PCNX1: variants seen among roughly 807,000 people sequenced by gnomAD.
The protein encoded by PCNX1 is pecanex 1.
Under a neutral mutation model 242.2 loss-of-function variants are expected in PCNX1, and 78 were observed. The observed-to-expected ratio is 0.32, with a 90% CI of 0.27 to 0.39. The LOEUF (loss-of-function observed/expected upper bound fraction) is 0.39, where lower values mean the gene tolerates loss of function less well. Ranked by LOEUF, PCNX1 falls within the 10% of genes least tolerant of loss-of-function variation. The pLI is 1.00. For synonymous variants in PCNX1, 1,024 were observed against 1,032.9 expected (o/e 0.99, Z 0.17); for missense variants, 2,581 against 2,856.5 (o/e 0.90, Z 2.20).
chr14:71,034,535 A>G (rs905336228), intron 18 of PCNX1, among the ~76,000 whole-genome samples: 3 of 152,208 alleles, frequency 2.0e-5, no homozygotes, highest in Admixed American at 2.0e-4. Flanking sequence ...AAGTAAACGC[A>G]GTAATTTTTT....
At chr14:71,068,600 G>A (rs999610682) in intron 26 of PCNX1, among the ~76,000 whole-genome samples, 1 of 143,538 alleles carries the variant, frequency 7.0e-6, no homozygotes, top group Admixed American at 7.3e-5. Flanking sequence ...GCGTGTGTGT[G>A]TGTGTGTGTG....
At chr14:71,059,693 G>A (rs1444809930) in intron 26 of PCNX1, among the ~76,000 whole-genome samples, 5 of 152,036 alleles carry the variant, frequency 3.3e-5, no homozygotes, top group Non-Finnish European at 5.9e-5. Flanking sequence ...ACACCCAGCC[G>A]GGATTTTTTT....
intron 8 of PCNX1, 96 bp from the exon 9 acceptor site, chr14:71,009,538 T>A: frequency 1.6e-6 from 1 of 634,002 alleles, no homozygotes; most frequent in East Asian, 3.0e-5. Flanking sequence ...TATGGTGTAT[T>A]TTCTTAAGAT....
chr14:71,075,548 A>G (rs1048859036), intron 27 of PCNX1, among the ~76,000 whole-genome samples: 1 of 132,592 alleles, frequency 7.5e-6, no homozygotes, highest in East Asian at 2.8e-4. Flanking sequence ...TAAATGCAGC[A>G]CAGTAAAGTT....
chr14:71,036,236 T>A, intron 19 of PCNX1, 79 bp downstream of exon 19: 1 of 878,186 alleles, frequency 1.1e-6, no homozygotes, highest in Non-Finnish European at 1.9e-6. Flanking sequence ...TGGAGTGCAG[T>A]GTTGCGATCA....
chr14:70,960,482 A>T (rs1463040592), intron 2 of PCNX1, among the ~76,000 whole-genome samples: 2 of 152,268 alleles, frequency 1.3e-5, no homozygotes, highest in South Asian at 2.1e-4. Flanking sequence ...CATGCTAAAA[A>T]CTCTCAATAA....
At chr14:71,064,788 C>A (rs1401018096) in intron 26 of PCNX1, among the ~76,000 whole-genome samples, 1 of 152,166 alleles carries the variant, frequency 6.6e-6, no homozygotes, top group East Asian at 1.9e-4. Flanking sequence ...CCCCGACAGG[C>A]CTGGGTATGT....
intron 3 of PCNX1, 111 bp downstream of exon 3, chr14:70,962,442 A>G (rs182251169): frequency 1.6e-6 from 1 of 630,702 alleles, no homozygotes; most frequent in Admixed American, 2.7e-5. Flanking sequence ...TCTGATTATT[A>G]TTTTTAATTG....
intron 5 of PCNX1, among the ~76,000 whole-genome samples, chr14:70,970,266 T>C (rs2058502015): frequency 6.6e-6 from 1 of 151,792 alleles, no homozygotes; most frequent in Admixed American, 6.6e-5. Flanking sequence ...CTTGGGAGGC[T>C]GAGGTGGGAG....
intron 2 of PCNX1, 56 bp from the exon 3 acceptor site, chr14:70,962,170 A>G: frequency 1.9e-6 from 2 of 1,042,120 alleles, no homozygotes; most frequent in Non-Finnish European, 3.0e-6. Flanking sequence ...AACAAAGGAA[A>G]AGCATTGGAG....
intron 19 of PCNX1, among the ~76,000 whole-genome samples, chr14:71,038,570 A>T (rs915070358): frequency 8.6e-5 from 13 of 151,944 alleles, no homozygotes; most frequent in Admixed American, 4.6e-4. Context: ...AAAAGTCAGG[A>T]AACAGGTGCT....
chr14:70,925,277 C>G (rs565043401), intron 1 of PCNX1, among the ~76,000 whole-genome samples: 3 of 152,186 alleles, frequency 2.0e-5, no homozygotes, highest in Non-Finnish European at 4.4e-5. Context: ...GCATGAGCCA[C>G]GAAGCCCGGC....
chr14:70,969,026 A>G lies in PCNX1; in HGVS notation c.520A>G (p.Thr174Ala), dbSNP rs2058463530. 6.3e-7 allele frequency: 1 copy of G among 1,594,952 alleles called. No homozygotes were observed. The change falls in exon 5 of 36, where the codon ACA becomes GCA. Residue 174 changes from threonine to alanine, a missense_variant. By Grantham distance (58) the Thr-to-Ala change is moderately conservative. This residue lies in a region of PCNX1 where 1,204 missense variants were observed against 1,216.7 expected (regional missense o/e 0.99). Coordinates refer to ENST00000304743, the MANE Select transcript of PCNX1 (RefSeq NM_014982.3). ...LGTAATIKGD[T>A]DTAKTSDDIS... Reference sequence around the variant, plus strand: ...TGTTTCTCTTAACTTTGTAGGAGATACAGACACTGCTAAGACTTCTGATGA... The same window carrying G: ...TGTTTCTCTTAACTTTGTAGGAGATGCAGACACTGCTAAGACTTCTGATGA...
At chr14:70,960,784 A>G (rs1287042510) in intron 2 of PCNX1, among the ~76,000 whole-genome samples, 2 of 152,158 alleles carry the variant, frequency 1.3e-5, no homozygotes, top group Non-Finnish European at 2.9e-5. Flanking sequence ...TCAGCCCAAA[A>G]TCTCCTTAAG....
At chr14:70,951,119 G>C (rs1055492168) in intron 2 of PCNX1, among the ~76,000 whole-genome samples, 1 of 151,322 alleles carries the variant, frequency 6.6e-6, no homozygotes, top group African/African-American at 2.4e-5. Flanking sequence ...AATTTGTTTA[G>C]GTTTGTTTAT....
intron 1 of PCNX1, among the ~76,000 whole-genome samples, chr14:70,941,676 A>T (rs1055214921): frequency 2.6e-5 from 4 of 152,168 alleles, no homozygotes; most frequent in African/African-American, 9.7e-5. Flanking sequence ...AGGGACGTTT[A>T]AGTCTGCAGA....
intron 2 of PCNX1, among the ~76,000 whole-genome samples, chr14:70,954,127 T>C (rs1166339600): frequency 6.6e-6 from 1 of 152,348 alleles, no homozygotes; most frequent in Non-Finnish European, 1.5e-5. Flanking sequence ...TTTTTTTCTT[T>C]ATGAATCTCT....
Position 71,109,500 on chromosome 14 carries a change from A to G in PCNX1, c.6793A>G (p.Lys2265Glu). The change falls in exon 35 of 36, where the codon AAA (lysine) becomes GAA (glutamate). Residue 2265 changes from lysine to glutamate, a missense_variant. Lys to Glu is a moderately conservative substitution (Grantham distance 56, BLOSUM62 1). Transcript: ENST00000304743. Reference sequence around the variant, plus strand: ...GGAAGGGATCAACCTGTCTAAAAGGAAAGAGCTACAGTGGCCTGATGAAGG... The same window carrying G: ...GGAAGGGATCAACCTGTCTAAAAGGGAAGAGCTACAGTGGCCTGATGAAGG... ...ILEGINLSKRKELQWPDEGIR... is the reference protein window; with the variant it reads ...ILEGINLSKREELQWPDEGIR... 1.2e-6 allele frequency: 2 copies of G among 1,613,872 alleles called. No homozygotes were observed. Among genetic ancestry groups the G allele is most frequent in the Non-Finnish European group, 1.7e-6 (2 of 1,179,730 alleles).
intron 3 of PCNX1, among the ~76,000 whole-genome samples, 166 bp from the exon 4 acceptor site, chr14:70,968,032 C>T (rs1328693203): frequency 3.3e-5 from 5 of 151,950 alleles, no homozygotes; most frequent in Admixed American, 6.6e-5. Context: ...CAACAGGTTG[C>T]GTGGCTCCAA....
Sources: allele counts gnomAD v4.1 joint callset (sites outside exome capture counted in the v4.1 genomes callset), GRCh38; gene constraint gnomAD v4.1.1; regional missense constraint gnomAD v4.1.1; transcripts MANE v1.5; gene names NCBI Gene and HGNC (gene_info 2026-07-23, HGNC 2026-07-21).